HTT: variants seen among roughly 807,000 people sequenced by gnomAD.
HTT encodes the protein huntington disease protein.
HTT carries 104 observed loss-of-function variants against 362.3 expected under a neutral mutation model. The ratio of observed to expected loss-of-function variants is 0.29; its 90% CI spans 0.24 to 0.34. The LOEUF (loss-of-function observed/expected upper bound fraction) is 0.34, where lower values mean the gene tolerates loss of function less well. Ranked by LOEUF, HTT falls within the 10% of genes least tolerant of loss-of-function variation. The pLI, the probability that HTT is intolerant of heterozygous loss-of-function variation, is 1.00. For missense variants in HTT, 3,301 were observed against 3,928.6 expected, an observed-to-expected ratio of 0.84 and a Z score of 4.27; for synonymous variants, 1,577 against 1,548.7, an observed-to-expected ratio of 1.02 and a Z score of -0.43.
chr4:3,130,312 A>T lies in HTT; in HGVS notation c.1875A>T (p.Gln625His). ...EAFRNSSMAL[Q>H]QAHLLKNMSH... is the part of the protein sequence containing the mutation. ...ATTTCTCTGTTTTTAAAGCCCTTCAACAGGCACATTTATTGAAAAACATGA... is the reference window on the plus strand; with the variant it reads ...ATTTCTCTGTTTTTAAAGCCCTTCATCAGGCACATTTATTGAAAAACATGA... The change falls in exon 14 of 67, where the codon CAA becomes CAT. Residue 625 changes from glutamine (Q) to histidine (H), a missense_variant. Around this residue, in one of 4 missense-constraint regions of HTT, gnomAD observed 2,316 missense variants for 2,658.5 expected, o/e 0.87. Coordinates refer to ENST00000355072, the MANE Select transcript of HTT (RefSeq NM_001388492.1). 1 of 1,572,702 alleles carries T rather than the reference A, an allele frequency of 6.4e-7. No individual in the cohort carries two copies. Among genetic ancestry groups the T allele is most frequent in the East Asian group, 2.3e-5 (1 of 44,150 alleles).
chr4:3,239,311 T>G (rs1234795656), intron 66 of HTT, among the ~76,000 whole-genome samples: 1 of 152,132 alleles, frequency 6.6e-6, no homozygotes, highest in African/African-American at 2.4e-5. Flanking sequence ...TGGCTGGGCT[T>G]CTCCTGACAC....
In HTT at chr4:3,136,264, C is replaced by G; in HGVS notation, c.2736C>G (p.Val912=). ...AAGAACGAGTGCTCAATAATGTTGT[C>G]ATCCATTTGCTTGGAGATGAAGACC... is the stretch of plus-strand genomic sequence containing the variant. ...KLQERVLNNV[V]IHLLGDEDPR... is the part of the protein sequence containing the mutation. Residue 912 remains valine (V), a synonymous_variant, in exon 21 of 67, where the codon GTC becomes GTG. Transcript: ENST00000355072. The G allele has an allele frequency of 1.2e-6, 2 of 1,612,070 alleles. No homozygotes were observed. Among genetic ancestry groups the G allele is most frequent in the Non-Finnish European group, 1.7e-6 (2 of 1,178,290 alleles).
intron 3 of HTT, among the ~76,000 whole-genome samples, chr4:3,102,223 C>A (rs1454535327): frequency 6.6e-6 from 1 of 152,166 alleles, no homozygotes; most frequent in Non-Finnish European, 1.5e-5. Flanking sequence ...GGAGAGGCAG[C>A]CACCTGTGTG....
At chr4:3,151,431 T>C (rs1407660718) in intron 26 of HTT, among the ~76,000 whole-genome samples, 1 of 151,852 alleles carries the variant, frequency 6.6e-6, no homozygotes, top group Non-Finnish European at 1.5e-5. Context: ...AGAGTGCCTG[T>C]AGGGGGAGTT....
chr4:3,204,073 C>T lies in HTT; in HGVS notation c.5643C>T (p.Asp1881=). 6.2e-7 allele frequency: 1 copy of T among 1,614,080 alleles called. No individual in the cohort carries two copies. The highest frequency in any genetic ancestry group is 8.5e-7 in the Non-Finnish European group (1 of 1,179,916). The stretch of plus-strand genomic sequence containing the variant: ...TGTCTGGAGAAGAGGAGGATTCTGA[C>T]TTGGCAGCCAAACTTGGAATGTGCA... ...PQMSGEEEDS[D]LAAKLGMCNR... The change falls in exon 42 of 67, where the codon GAC becomes GAT. Residue 1881 remains aspartate, a synonymous_variant. Transcript: ENST00000355072.
chr4:3,228,508 C>A lies in HTT; in HGVS notation c.7849-107C>A. 1 of 1,301,232 alleles carries A rather than the reference C, an allele frequency of 7.7e-7. No homozygotes were observed. The highest frequency in any genetic ancestry group is 1.0e-6 in the Non-Finnish European group (1 of 962,524). 80.6% of individuals were successfully genotyped at this position (1,301,232 alleles called of 1,614,324 possible). On this transcript the variant is annotated intron_variant, in intron 57 of 66. Transcript: ENST00000355072. This position sits in a 1 kb window ranked among gnomAD's most constrained non-coding sequence, Gnocchi z 4.3. ...TGTCTGAACGACCCTTGCTAAGGGG[C>A]AGACTGTTAGACGGTAGGCATGTGC...
At chr4:3,099,698 G>A (rs375420677) in intron 3 of HTT, among the ~76,000 whole-genome samples, 50 of 149,286 alleles carry the variant, frequency 3.3e-4, no homozygotes, top group African/African-American at 1.1e-3. Context: ...AGGTGGTCTT[G>A]TATGGTTTGC....
At position 3,228,684 on chromosome 4, in the gene HTT, G is replaced by C. The variant is rs1286673367; in HGVS notation, c.7918G>C (p.Glu2640Gln). 2.1e-6 allele frequency: 3 copies of C among 1,405,676 alleles called. No individual in the cohort carries two copies. In the East Asian group the frequency reaches 6.7e-5, roughly 31 times the overall value. 87.1% of individuals were successfully genotyped at this position (1,405,676 alleles called of 1,614,324 possible). ...PLREEEWDEE[E>Q]EEEADAPAPS... ...GAGGGAGGAGGAATGGGACGAGGAAGAGGAGGAGGAGGCCGACGCCCCTGC... is the reference window on the plus strand; with the variant it reads ...GAGGGAGGAGGAATGGGACGAGGAACAGGAGGAGGAGGCCGACGCCCCTGC... The change falls in exon 58 of 67, where the codon GAG becomes CAG. Residue 2640 changes from glutamate to glutamine, a missense_variant. Glu to Gln is a conservative substitution (Grantham distance 29). Around this residue, in one of 4 missense-constraint regions of HTT, gnomAD observed 753 missense variants for 1,021.3 expected, o/e 0.74. Transcript: ENST00000355072. The surrounding 1 kb of genome is among the most constrained non-coding windows in gnomAD (Gnocchi z 4.3).
chr4:3,174,811 C>G lies in HTT; in HGVS notation c.4245+12C>G. The G allele has an allele frequency of 6.2e-7, 1 of 1,612,688 alleles. No individual in the cohort carries two copies. The highest frequency in any genetic ancestry group is 8.5e-7 in the Non-Finnish European group (1 of 1,178,848). Reference sequence around the variant, plus strand: ...ACCGTGCAGATAAGGTAAATGGTGCCGTTTGTGGCATGTGAACTCAGGCGT... The same window carrying G: ...ACCGTGCAGATAAGGTAAATGGTGCGGTTTGTGGCATGTGAACTCAGGCGT... On this transcript the variant is annotated intron_variant, in intron 32 of 66. Transcript: ENST00000355072.
intron 54 of HTT, 83 bp downstream of exon 54, chr4:3,222,570 A>C (rs1215041577): frequency 1.0e-6 from 1 of 986,926 alleles, no homozygotes; most frequent in Non-Finnish European, 1.6e-6. Flanking sequence ...ATAAGGCAGC[A>C]AGCTGGTGTT....
chr4:3,103,128 G>T (rs561040639), intron 3 of HTT, among the ~76,000 whole-genome samples: 25 of 151,418 alleles, frequency 1.7e-4, no homozygotes, highest in Admixed American at 1.6e-3. Flanking sequence ...GTCTGAGCCC[G>T]TATCATCCAA....
chr4:3,237,339 G>A (rs1160250929), intron 64 of HTT, among the ~76,000 whole-genome samples: 3 of 152,214 alleles, frequency 2.0e-5, no homozygotes, highest in African/African-American at 7.2e-5. Flanking sequence ...CTCCCAAAGT[G>A]CTGGGATTGC....
At chr4:3,195,226 A>T (rs1332846313) in intron 40 of HTT, among the ~76,000 whole-genome samples, 1 of 151,940 alleles carries the variant, frequency 6.6e-6, no homozygotes, top group Non-Finnish European at 1.5e-5. Flanking sequence ...CTGCCCTAGG[A>T]GCTCTCGATG....
chr4:3,160,583 A>G (rs1717392899), intron 29 of HTT, among the ~76,000 whole-genome samples, 191 bp downstream of exon 29: 1 of 152,040 alleles, frequency 6.6e-6, no homozygotes, highest in African/African-American at 2.4e-5. Flanking sequence ...GGAAGTTTCT[A>G]TTTGTATTCT....
At chr4:3,145,637 T>G (rs1479187150) in intron 24 of HTT, among the ~76,000 whole-genome samples, 1 of 152,254 alleles carries the variant, frequency 6.6e-6, no homozygotes, top group Non-Finnish European at 1.5e-5. Context: ...TATTAACAGC[T>G]TTTATTTAAA....
chr4:3,231,482 T>C (rs562812928), intron 60 of HTT, among the ~76,000 whole-genome samples: 2 of 152,270 alleles, frequency 1.3e-5, no homozygotes, highest in South Asian at 4.1e-4. Flanking sequence ...TCACACAAAA[T>C]GCAGCAGAGG....
At chr4:3,193,851 G>A (rs1195015889) in intron 40 of HTT, among the ~76,000 whole-genome samples, 4 of 152,190 alleles carry the variant, frequency 2.6e-5, no homozygotes, top group African/African-American at 9.6e-5. Context: ...TGGTGGGAGT[G>A]GAGGGCTTGG....
intron 26 of HTT, among the ~76,000 whole-genome samples, chr4:3,150,774 C>T (rs1241837913): frequency 1.3e-5 from 2 of 152,200 alleles, no homozygotes; most frequent in Non-Finnish European, 2.9e-5. Context: ...TGGTGGCTCA[C>T]GCCTGTAATT....
In HTT at chr4:3,131,748, G is replaced by A. The variant is rs1715826911; in HGVS notation, c.2209G>A (p.Val737Ile). The change falls in exon 16 of 67, where the codon GTT becomes ATT. Residue 737 changes from valine (V) to isoleucine (I), a missense_variant. This residue lies in a region of HTT where 2,316 missense variants were observed against 2,658.5 expected (regional missense o/e 0.87). Coordinates refer to ENST00000355072, the MANE Select transcript of HTT (RefSeq NM_001388492.1). ...PESFFSKLYK[V>I]PLDTTEYPEE... Reference sequence around the variant, plus strand: ...ATCTTTCTTCAGCAAACTCTATAAAGTTCCTCTTGACACCACGGAATACCC... The same window carrying A: ...ATCTTTCTTCAGCAAACTCTATAAAATTCCTCTTGACACCACGGAATACCC... 6.2e-7 allele frequency: 1 copy of A among 1,614,046 alleles called. No individual in the cohort carries two copies. The highest frequency in any genetic ancestry group is 8.5e-7 in the Non-Finnish European group (1 of 1,179,962).
Sources: allele counts gnomAD v4.1 joint callset (sites outside exome capture counted in the v4.1 genomes callset), GRCh38; gene constraint gnomAD v4.1.1; regional missense constraint gnomAD v4.1.1; non-coding constraint Gnocchi (gnomAD v3.1); transcripts MANE v1.5; gene names NCBI Gene and HGNC (gene_info 2026-07-23, HGNC 2026-07-21).